The following ITGAV variants were observed in gnomAD, a reference collection of about 807,000 sequenced individuals.
ITGAV encodes integrin alpha-V.
In ITGAV, 76 loss-of-function variants were observed where a neutral mutation model predicts 143.8. That is an observed-to-expected ratio of 0.53 (90% CI 0.44 to 0.64). ITGAV has a LOEUF of 0.64. Among genes scored for constraint, ITGAV ranks in the 30% least tolerant of loss-of-function variants. The probability of loss-of-function intolerance (pLI) is 0.00; values close to 1 mark genes in which losing one functional copy is unlikely to be tolerated. For missense variants in ITGAV, 1,193 were observed against 1,274.7 expected (o/e 0.94, Z 0.98); for synonymous variants, 453 against 446.7 (o/e 1.01, Z -0.18).
At chr2:186,665,062 C>T (rs1437206845) in intron 20 of ITGAV, 64 bp from the exon 21 acceptor site, 9 of 1,058,780 alleles carry the variant, frequency 8.5e-6, no homozygotes, top group Non-Finnish European at 1.3e-5. Flanking sequence ...ACTGAAATAT[C>T]CAACTGCGTG....
rs1373702457 is a variant in ITGAV, at chr2:186,675,914, C to T, written c.2915C>T (p.Thr972Ile). The change falls in exon 28 of 30, where the codon ACC becomes ATC. Residue 972 changes from threonine (T) to isoleucine (I), a missense_variant. Transcript: ENST00000261023. Reference protein sequence around the residue: ...PYKNLPIEDITNSTLVTTNVT... With the variant: ...PYKNLPIEDIINSTLVTTNVT... ...AAGAATCTTCCAATTGAGGATATCA[C>T]CAACTCCACATTGGTAAGTCATTGG... 2 of 1,557,574 alleles carry T rather than the reference C, an allele frequency of 1.3e-6. No homozygotes were observed. The highest frequency in any genetic ancestry group is 1.8e-6 in the Non-Finnish European group (2 of 1,129,112).
At chr2:186,606,286 G>T (rs1687063082) in intron 2 of ITGAV, among the ~76,000 whole-genome samples, 1 of 152,178 alleles carries the variant, frequency 6.6e-6, no homozygotes, top group Admixed American at 6.5e-5. Context: ...GATATGTGGG[G>T]TTTCTGAAGG....
intron 2 of ITGAV, among the ~76,000 whole-genome samples, chr2:186,620,915 GTTATC>G (rs967271995): frequency 1.0e-3 from 152 of 152,238 alleles, no homozygotes; most frequent in African/African-American, 3.4e-3. Flanking sequence ...TAATTTTAAT[GTTATC>G]TTAAATATTG....
At chr2:186,629,362 G>A (rs1293744447) in intron 4 of ITGAV, among the ~76,000 whole-genome samples, 1 of 151,916 alleles carries the variant, frequency 6.6e-6, no homozygotes, top group Non-Finnish European at 1.5e-5. Flanking sequence ...ATCAAAAAAA[G>A]GATGTCTTTA....
intron 12 of ITGAV, 124 bp downstream of exon 12, chr2:186,641,712 A>C: frequency 4.1e-6 from 3 of 738,688 alleles, no homozygotes; most frequent in Non-Finnish European, 6.9e-6. Context: ...GATTGTGTGT[A>C]AGTGAGTAAC....
At chr2:186,627,179 C>A (rs1021642535) in intron 4 of ITGAV, among the ~76,000 whole-genome samples, 3 of 152,018 alleles carry the variant, frequency 2.0e-5, no homozygotes, top group Admixed American at 6.6e-5. Flanking sequence ...CAGGAGTAAG[C>A]AAAAGGAGCA....
intron 14 of ITGAV, 126 bp from the exon 15 acceptor site, chr2:186,651,856 C>G: frequency 1.7e-6 from 1 of 578,538 alleles, no homozygotes; most frequent in Non-Finnish European, 3.1e-6. Context: ...GTTCCTTTTA[C>G]TATTACAAAC....
chr2:186,648,793 A>G (rs1350403943), intron 13 of ITGAV, among the ~76,000 whole-genome samples: 6 of 152,058 alleles, frequency 3.9e-5, no homozygotes, highest in Admixed American at 6.6e-5. Context: ...ACACCCGGCC[A>G]TCAGGTTGAT....
In ITGAV at chr2:186,677,677, G is replaced by T. The variant is rs1689253333; in HGVS notation, c.*385G>T. On this transcript the variant is annotated 3_prime_UTR_variant, in exon 30 of 30. Transcript: ENST00000261023. The stretch of plus-strand genomic sequence containing the variant: ...TTGTTGTTGTTGTTGTTGTTTTAAA[G>T]CAGTCCAAATTTGGACCTTAGCAAT... 1 of 175,240 alleles carries T rather than the reference G, an allele frequency of 5.7e-6. No individual in the cohort carries two copies. Among genetic ancestry groups the T allele is most frequent in the Non-Finnish European group, 1.2e-5 (1 of 82,244 alleles). 10.9% of individuals were successfully genotyped at this position (175,240 alleles called of 1,614,324 possible). A position where few individuals can be genotyped will look rare whatever the true frequency, so the allele number is the denominator to read the frequency against.
chr2:186,636,024 C>T (rs2105703948), intron 6 of ITGAV, 58 bp from the exon 7 acceptor site: 2 of 1,431,056 alleles, frequency 1.4e-6, no homozygotes, highest in East Asian at 4.6e-5. Flanking sequence ...CATACATTAT[C>T]TGTATCATAA....
chr2:186,609,808 A>G (rs1687165984), intron 2 of ITGAV, among the ~76,000 whole-genome samples: 1 of 148,448 alleles, frequency 6.7e-6, no homozygotes, highest in African/African-American at 2.5e-5. Context: ...ATATATATGT[A>G]TGTGGGCATA....
chr2:186,640,031 C>T (rs1688058534), intron 10 of ITGAV, among the ~76,000 whole-genome samples: 1 of 152,202 alleles, frequency 6.6e-6, no homozygotes, highest in Non-Finnish European at 1.5e-5. Context: ...AGGAATCTCC[C>T]TTATCATTCT....
chr2:186,615,655 T>A (rs1361101513), intron 2 of ITGAV, among the ~76,000 whole-genome samples: 1 of 152,154 alleles, frequency 6.6e-6, no homozygotes, highest in Non-Finnish European at 1.5e-5. Flanking sequence ...TGGTTGTTTG[T>A]CTTACTGAGT....
At chr2:186,643,495 A>G (rs1297810794) in intron 12 of ITGAV, among the ~76,000 whole-genome samples, 1 of 152,178 alleles carries the variant, frequency 6.6e-6, no homozygotes, top group South Asian at 2.1e-4. Flanking sequence ...TTATACATGT[A>G]TATGTTCTAT....
intron 14 of ITGAV, 36 bp from the exon 15 acceptor site, chr2:186,651,946 A>AT (rs1688443024): frequency 7.8e-7 from 1 of 1,286,178 alleles, no homozygotes; most frequent in Non-Finnish European, 1.1e-6. Context: ...TTTTTAAATA[A>AT]TTTTTTACTT....
At chr2:186,661,920 T>G (rs1466579296) in intron 18 of ITGAV, among the ~76,000 whole-genome samples, 1 of 152,114 alleles carries the variant, frequency 6.6e-6, no homozygotes. Flanking sequence ...TTTCTTACTT[T>G]GTGCAAGATG....
chr2:186,604,244 GA>G (rs1685240062), intron 2 of ITGAV, among the ~76,000 whole-genome samples: 3 of 151,564 alleles, frequency 2.0e-5, no homozygotes, highest in Admixed American at 6.6e-5. Flanking sequence ...ATGCATCCTT[GA>G]AAAAAAGGCA....
intron 11 of ITGAV, 63 bp downstream of exon 11, chr2:186,641,030 A>G: frequency 8.1e-7 from 1 of 1,231,404 alleles, no homozygotes; most frequent in East Asian, 2.5e-5. Flanking sequence ...ACTTTACTCA[A>G]ACTAAACATT....
At position 186,669,796 on chromosome 2, in the gene ITGAV, A is replaced by G; in HGVS notation, c.2688A>G (p.Glu896=). The G allele has an allele frequency of 3.1e-6, 5 of 1,612,878 alleles. No individual in the cohort carries two copies. Among genetic ancestry groups the G allele is most frequent in the Non-Finnish European group, 4.2e-6 (5 of 1,178,958 alleles). Residue 896 remains glutamate, a synonymous_variant, in exon 26 of 30, where the codon GAA becomes GAG. Transcript: ENST00000261023. ...LITKRDLALS[E]GDIHTLGCGV... ...CTAAGCGGGATCTTGCCCTCAGTGA[A>G]GGAGATATTCACACTTTGGTAAGTG...
Sources: allele counts gnomAD v4.1 joint callset (sites outside exome capture counted in the v4.1 genomes callset), GRCh38; gene constraint gnomAD v4.1.1; transcripts MANE v1.5; gene names NCBI Gene and HGNC (gene_info 2026-07-23, HGNC 2026-07-21).